Variants in TRPM3 observed in about 807,000 individuals in gnomAD.
TRPM3 encodes the protein transient receptor potential cation channel subfamily M member 3, also known as long transient receptor potential channel 3.
A neutral mutation model predicts 181.2 loss-of-function variants in TRPM3; 77 were observed. That is an observed-to-expected ratio of 0.42 (90% CI 0.35 to 0.51). The LOEUF (loss-of-function observed/expected upper bound fraction) is 0.51, where lower values mean the gene tolerates loss of function less well. Ranked by LOEUF, TRPM3 falls within the 20% of genes least tolerant of loss-of-function variation. TRPM3 has a pLI of 0.01. For missense variants in TRPM3, 1,759 were observed against 2,196.7 expected, an observed-to-expected ratio of 0.80 and a Z score of 3.98; for synonymous variants, 745 against 796.4, an observed-to-expected ratio of 0.94 and a Z score of 1.09.
At chr9:70,851,605 T>C (rs2095232455) in intron 3 of TRPM3, among the ~76,000 whole-genome samples, 1 of 152,174 alleles carries the variant, frequency 6.6e-6, no homozygotes, top group South Asian at 2.1e-4. Flanking sequence ...AAATTCCTTT[T>C]GAAGTAACTT....
chr9:70,755,663 G>A (rs189813968), intron 8 of TRPM3, among the ~76,000 whole-genome samples: 85 of 151,966 alleles, frequency 5.6e-4, no homozygotes, highest in Non-Finnish European at 9.6e-4. Context: ...CACCAGACCC[G>A]GCCATCGACA....
intron 1 of TRPM3, among the ~76,000 whole-genome samples, chr9:71,267,664 A>G (rs1210840684): frequency 6.6e-6 from 1 of 152,176 alleles, no homozygotes; most frequent in Non-Finnish European, 1.5e-5. Flanking sequence ...TGATTATTAT[A>G]CAACTTACTC....
chr9:71,332,376 G>GGT (rs3041716), intron 1 of TRPM3, among the ~76,000 whole-genome samples: 28,574 of 142,176 alleles, frequency 0.2, 2,923 homozygotes, highest in East Asian at 0.3. Flanking sequence ...TTCAATGTTG[G>GGT]GTGTGTGTGT....
At chr9:70,867,749 T>C (rs1589398964) in intron 1 of TRPM3, among the ~76,000 whole-genome samples, 1 of 152,138 alleles carries the variant, frequency 6.6e-6, no homozygotes, top group African/African-American at 2.4e-5. Context: ...GCATAATTAC[T>C]ATATTGTGAG....
intron 25 of TRPM3, among the ~76,000 whole-genome samples, chr9:70,546,561 G>A (rs1327332831): frequency 6.6e-6 from 1 of 151,824 alleles, no homozygotes; most frequent in Non-Finnish European, 1.5e-5. Context: ...GTGAAAGCCT[G>A]GTATTCACAT....
intron 1 of TRPM3, among the ~76,000 whole-genome samples, chr9:71,424,160 A>T (rs1474070742): frequency 6.6e-6 from 1 of 152,184 alleles, no homozygotes; most frequent in Non-Finnish European, 1.5e-5. Context: ...ATAATTCAGC[A>T]CAGAGTTGGC....
intron 14 of TRPM3, among the ~76,000 whole-genome samples, chr9:70,623,800 A>G (rs2133256342): frequency 1.3e-5 from 2 of 152,180 alleles, no homozygotes; most frequent in Non-Finnish European, 2.9e-5. Flanking sequence ...TCTGCTGTAT[A>G]CTGAACTATT....
chr9:71,202,559 T>C (rs762899330), intron 1 of TRPM3, among the ~76,000 whole-genome samples: 5 of 152,046 alleles, frequency 3.3e-5, no homozygotes, highest in Non-Finnish European at 7.4e-5. Flanking sequence ...TGCCTTTTGG[T>C]TTATGTTTAT....
intron 1 of TRPM3, among the ~76,000 whole-genome samples, chr9:70,947,193 C>T (rs2096942971): frequency 6.6e-6 from 1 of 152,124 alleles, no homozygotes; most frequent in Non-Finnish European, 1.5e-5. Context: ...GTGAATTCCA[C>T]TTTATCTTTT....
intron 1 of TRPM3, among the ~76,000 whole-genome samples, chr9:70,997,200 C>CT (rs967943497): frequency 9.4e-4 from 143 of 151,538 alleles, no homozygotes; most frequent in South Asian, 2.1e-3. Context: ...TATCTTAATA[C>CT]TTTTTTTTTG....
In TRPM3 at chr9:71,262,050, C is replaced by T. The variant is rs935158940; in HGVS notation, c.183+184603G>A. Among the ~76,000 whole-genome samples the T allele has an allele frequency of 7.9e-5, 12 of 152,250 alleles. No homozygotes were observed. The South Asian group carries it at 8.3e-4, about 10-fold the overall frequency. ...AAGCACTGTGCTGGGAGATCTACTG[C>T]TCTCTTCAGAGCCAGCAGGCTGGAA... On this transcript the variant is annotated intron_variant, in intron 1 of 24. Transcript: ENST00000357533.
intron 8 of TRPM3, among the ~76,000 whole-genome samples, chr9:70,752,965 C>T (rs759284928): frequency 1.3e-5 from 2 of 151,984 alleles, no homozygotes; most frequent in Non-Finnish European, 2.9e-5. Flanking sequence ...CAAAAATTAG[C>T]TGAGTGTGGT....
At chr9:71,090,962 T>C (rs547721843) in intron 1 of TRPM3, among the ~76,000 whole-genome samples, 17 of 152,260 alleles carry the variant, frequency 1.1e-4, no homozygotes, top group Non-Finnish European at 2.1e-4. Flanking sequence ...TTGATTTATA[T>C]CCACAGTAGG....
At chr9:71,144,752 G>C (rs1443068269) in intron 1 of TRPM3, among the ~76,000 whole-genome samples, 6 of 152,100 alleles carry the variant, frequency 3.9e-5, no homozygotes, top group African/African-American at 1.4e-4. Flanking sequence ...TGTGCCCTTT[G>C]GCGATAAAAT....
At chr9:71,370,567 G>A (rs547106879) in intron 1 of TRPM3, among the ~76,000 whole-genome samples, 48 of 152,190 alleles carry the variant, frequency 3.2e-4, no homozygotes, top group Non-Finnish European at 5.3e-4. Flanking sequence ...TATAAAGTCT[G>A]AGGTTAGGGA....
chr9:70,756,465 C>G (rs1175393452), intron 8 of TRPM3, among the ~76,000 whole-genome samples: 1 of 152,096 alleles, frequency 6.6e-6, no homozygotes, highest in Non-Finnish European at 1.5e-5. Context: ...ATATTCATGA[C>G]TTGAACTCAC....
At chr9:70,940,563 G>A (rs2096876140) in intron 1 of TRPM3, among the ~76,000 whole-genome samples, 1 of 152,154 alleles carries the variant, frequency 6.6e-6, no homozygotes, top group Non-Finnish European at 1.5e-5. Context: ...GTATGGTGGG[G>A]AAATAGACAC....
intron 17 of TRPM3, 78 bp from the exon 18 acceptor site, chr9:70,616,153 C>T (rs1329549866): frequency 7.7e-6 from 9 of 1,165,028 alleles, no homozygotes; most frequent in Middle Eastern, 2.9e-4. Context: ...AATCAGAGAG[C>T]CTGAGGTATG....
intron 1 of TRPM3, among the ~76,000 whole-genome samples, chr9:71,166,982 C>G (rs1175011610): frequency 2.0e-5 from 3 of 152,096 alleles, no homozygotes; most frequent in Non-Finnish European, 4.4e-5. Flanking sequence ...TAATTTCTTA[C>G]TATCTTGTTT....
Sources: allele counts gnomAD v4.1 joint callset (sites outside exome capture counted in the v4.1 genomes callset), GRCh38; gene constraint gnomAD v4.1.1; transcripts MANE v1.5; gene names NCBI Gene and HGNC (gene_info 2026-07-23, HGNC 2026-07-21).